The following ERCC8 variants were observed in gnomAD, a reference collection of about 807,000 sequenced individuals.
ERCC8 encodes DNA excision repair protein ERCC-8.
A neutral mutation model predicts 54.9 loss-of-function variants in ERCC8; 52 were observed. That is an observed-to-expected ratio of 0.95 (90% CI 0.76 to 1.19). ERCC8 has a LOEUF of 1.19. ERCC8 is among the 50% of genes most tolerant of loss of function. ERCC8 has a pLI of 0.00. For missense variants in ERCC8, 514 were observed against 466.1 expected, an observed-to-expected ratio of 1.10 and a Z score of -0.95; for synonymous variants, 146 against 157.2, an observed-to-expected ratio of 0.93 and a Z score of 0.53.
chr5:60,944,798 G>A, intron 1 of ERCC8, 134 bp downstream of exon 1: 1 of 593,194 alleles, frequency 1.7e-6, no homozygotes, highest in East Asian at 4.0e-5. Flanking sequence ...ATTTTAGCAA[G>A]CCACACAGCA....
chr5:60,943,715 C>T (rs1580057205), intron 1 of ERCC8, among the ~76,000 whole-genome samples: 1 of 152,090 alleles, frequency 6.6e-6, no homozygotes, highest in African/African-American at 2.4e-5. Context: ...AAAAAGCTGC[C>T]TGTGGGAACA....
chr5:60,882,911 A>G (rs574975913), intron 11 of ERCC8, among the ~76,000 whole-genome samples: 2 of 150,772 alleles, frequency 1.3e-5, no homozygotes, highest in African/African-American at 4.9e-5. Context: ...CCTCTTCCCT[A>G]CTCTGTCTCT....
chr5:60,909,243 G>GAAAAAAAAAAAAAAAAAAAAAAAAA lies in ERCC8; in HGVS notation c.400-4395_400-4371dup, dbSNP rs60064294. ...AATGCAGACAAAAATGCCCTATTCT[G>GAAAAAAAAAAAAAAAAAAAAAAAAA]AAAAAAAAAAAAAAAAAAAAAAAAA... is the stretch of plus-strand genomic sequence containing the variant. On this transcript the variant is annotated intron_variant, in intron 4 of 11. Coordinates refer to ENST00000676185, the MANE Select transcript of ERCC8 (RefSeq NM_000082.4). Among the ~76,000 whole-genome samples the GAAAAAAAAAAAAAAAAAAAAAAAAA allele has an allele frequency of 1.5e-4, 3 of 19,950 alleles. 1 individual carries two copies. Among genetic ancestry groups the GAAAAAAAAAAAAAAAAAAAAAAAAA allele is most frequent in the African/African-American group, 1.7e-4 (1 of 5,842 alleles). The allele number at this position is 19,950 out of a possible 152,430, so 13.1% of individuals were successfully genotyped here. A position where few individuals can be genotyped will look rare whatever the true frequency, so the allele number is the denominator to read the frequency against.
At chr5:60,907,253 T>G (rs796404319) in intron 4 of ERCC8, 1 of 152,130 alleles carries the variant, frequency 6.6e-6, no homozygotes, top group South Asian at 2.1e-4. Context: ...TAGGAGGCAG[T>G]CAATCAGAAT....
intron 11 of ERCC8, among the ~76,000 whole-genome samples, chr5:60,877,072 G>A (rs1234106249): frequency 6.6e-6 from 1 of 152,112 alleles, no homozygotes; most frequent in East Asian, 1.9e-4. Context: ...TGTAAGGAAG[G>A]GATCCAGTTT....
chr5:60,894,767 A>G (rs7726671), intron 9 of ERCC8, among the ~76,000 whole-genome samples: 29,727 of 152,182 alleles, frequency 0.2, 3,534 homozygotes, highest in Non-Finnish European at 0.27. Context: ...CTTCCTGATA[A>G]TAATTTTGAT....
rs181262659 is a variant in ERCC8 at position 60,881,088 on chromosome 5, G to T, written c.1122+6352C>A. On this transcript the variant is annotated intron_variant, in intron 11 of 11. Coordinates refer to ENST00000676185, the MANE Select transcript of ERCC8 (RefSeq NM_000082.4). Reference sequence around the variant, plus strand: ...TGTTAGTTTTCCTTCTAACAGTCAGGACCCTCAGCAACAGGTCTGTTGAAG... The same window carrying T: ...TGTTAGTTTTCCTTCTAACAGTCAGTACCCTCAGCAACAGGTCTGTTGAAG... Among the ~76,000 whole-genome samples the T allele has an allele frequency of 2.0e-5, 3 of 152,242 alleles. No homozygotes were observed. In the East Asian group the frequency reaches 5.8e-4, roughly 29 times the overall value.
In ERCC8 at chr5:60,869,321, A is replaced by G. The variant is rs1337865168; in HGVS notation, c.*5294T>C. Among the ~76,000 whole-genome samples, 1 of 152,158 alleles carries G rather than the reference A, an allele frequency of 6.6e-6. No homozygotes were observed. Among genetic ancestry groups the G allele is most frequent in the Non-Finnish European group, 1.5e-5 (1 of 68,008 alleles). On this transcript the variant is annotated 3_prime_UTR_variant, in exon 12 of 12. Coordinates refer to ENST00000676185, the MANE Select transcript of ERCC8 (RefSeq NM_000082.4). ...TGAAATAGTGATTTTGCTTTGAAAA[A>G]TAATTGAGATTAGTTTGCTGATGCA...
rs1489600919 is a variant in ERCC8, at chr5:60,945,014, G to T, written c.-6C>A. On this transcript the variant is annotated 5_prime_UTR_variant, in exon 1 of 12. Transcript: ENST00000676185. ...GCGGACAAAAACCCCAGCATATCGT[G>T]TCCTCACACCGGCTGGAGCACTGGA... 4 of 1,613,052 alleles carry T rather than the reference G, an allele frequency of 2.5e-6. No individual in the cohort carries two copies. Among genetic ancestry groups the T allele is most frequent in the East Asian group, 4.5e-5 (2 of 44,856 alleles).
rs140343389 is a variant in ERCC8, at chr5:60,922,154, T to A, written c.175A>T (p.Met59Leu). Residue 59 changes from methionine to leucine, a missense_variant and splice_region_variant, in exon 3 of 12, where the codon ATG (methionine) becomes TTG (leucine). Met to Leu is a conservative substitution (Grantham distance 15). Transcript: ENST00000676185. The stretch of plus-strand genomic sequence containing the variant: ...ACACCATCTGAACCACCTGATAACA[T>A]GCTGATAATAAAAAAGTTCACATTA... ...LDIEPVEGRYMLSGGSDGVIV... is the reference protein window; with the variant it reads ...LDIEPVEGRYLLSGGSDGVIV... 125 of 1,585,868 alleles carry A rather than the reference T, an allele frequency of 7.9e-5. No homozygotes were observed. The African/African-American group carries it at 1.6e-3, about 20-fold the overall frequency.
intron 11 of ERCC8, among the ~76,000 whole-genome samples, chr5:60,878,082 G>C (rs567498692): frequency 6.6e-6 from 1 of 152,144 alleles, no homozygotes; most frequent in Admixed American, 6.6e-5. Context: ...TTAGCATGAA[G>C]GTTGTTGAAT....
chr5:60,898,117 T>G (rs1258718016), intron 9 of ERCC8, among the ~76,000 whole-genome samples, 159 bp downstream of exon 9: 1 of 152,170 alleles, frequency 6.6e-6, no homozygotes, highest in Non-Finnish European at 1.5e-5. Context: ...GGGTGGGTTG[T>G]CCTGAGTTGA....
Position 60,875,560 on chromosome 5 carries a change from T to C in ERCC8, c.1123-877A>G, listed in dbSNP as rs138952755. Among the ~76,000 whole-genome samples, 50 of 152,338 alleles carry C rather than the reference T, an allele frequency of 3.3e-4. 1 individual carries two copies. Among genetic ancestry groups the C allele is most frequent in the African/African-American group, 1.0e-3 (43 of 41,586 alleles). ...GTCTCATTGTTAAAGTAATTGGGTA[T>C]TATGAGCCAGGTTTGCTTCTTTTTG... On this transcript the variant is annotated intron_variant, in intron 11 of 11. Coordinates refer to ENST00000676185, the MANE Select transcript of ERCC8 (RefSeq NM_000082.4).
chr5:60,934,100 C>T (rs976707298), intron 1 of ERCC8, among the ~76,000 whole-genome samples: 4 of 152,246 alleles, frequency 2.6e-5, no homozygotes, highest in Admixed American at 6.5e-5. Context: ...GGTGGATACC[C>T]GGGAGTGGGA....
intron 11 of ERCC8, among the ~76,000 whole-genome samples, chr5:60,881,931 T>C (rs866879582): frequency 4.6e-5 from 7 of 152,324 alleles, no homozygotes; most frequent in Middle Eastern, 6.8e-3. Context: ...AATGCATAAA[T>C]CACCTGTCTT....
chr5:60,920,062 G>C (rs1749558512), intron 3 of ERCC8, among the ~76,000 whole-genome samples: 1 of 151,894 alleles, frequency 6.6e-6, no homozygotes, highest in South Asian at 2.1e-4. Flanking sequence ...CTTTTCCTAG[G>C]AGAGTTAGCC....
intron 9 of ERCC8, among the ~76,000 whole-genome samples, chr5:60,897,470 G>A (rs1748754248): frequency 6.6e-6 from 1 of 152,104 alleles, no homozygotes; most frequent in Non-Finnish European, 1.5e-5. Context: ...TATTAGCACA[G>A]TATCTGACAT....
At chr5:60,878,196 T>C (rs375714342) in intron 11 of ERCC8, among the ~76,000 whole-genome samples, 5 of 150,986 alleles carry the variant, frequency 3.3e-5, no homozygotes, top group African/African-American at 1.2e-4. Flanking sequence ...TATGTTGAAC[T>C]AGCCTTGCAT....
chr5:60,938,040 CATACATACATATATATATATATATATAT>C (rs769310773), intron 1 of ERCC8, among the ~76,000 whole-genome samples: 6 of 32,486 alleles, frequency 1.8e-4, no homozygotes, highest in East Asian at 9.4e-3. Context: ...TACATACATA[CATACATACATATATATATATATATATAT>C]ATATATATAT....
Sources: gnomAD v4.1 joint callset for allele counts (sites outside exome capture counted in the v4.1 genomes callset) on GRCh38, gnomAD v4.1.1 for gene constraint, MANE v1.5 for transcripts, NCBI Gene and HGNC (gene_info 2026-07-23, HGNC 2026-07-21) for gene names.